METTL15: variants seen among roughly 807,000 people sequenced by gnomAD.
METTL15 encodes methyltransferase 15, mitochondrial 12S rRNA N4-cytidine.
In METTL15, 34 loss-of-function variants were observed where a neutral mutation model predicts 38.3. That is an observed-to-expected ratio of 0.89 (90% CI 0.68 to 1.18). The LOEUF is 1.18. METTL15 is among the 50% of genes most tolerant of loss of function. METTL15 has a pLI of 0.00. For missense variants in METTL15, 438 were observed against 498.4 expected (o/e 0.88, Z 1.15); for synonymous variants, 162 against 170.9 (o/e 0.95, Z 0.41).
chr11:28,279,172 G>A (rs1163004425), intron 4 of METTL15, among the ~76,000 whole-genome samples: 1 of 152,070 alleles, frequency 6.6e-6, no homozygotes, highest in East Asian at 1.9e-4. Context: ...TTGTATCAGG[G>A]TTATATGATG....
chr11:28,394,572 C>T (rs77444603), intron 5 of METTL15, among the ~76,000 whole-genome samples: 2,690 of 152,122 alleles, frequency 0.018, 52 homozygotes, highest in African/African-American at 0.051. Flanking sequence ...AAATGTTTCA[C>T]GGACATTTTC....
chr11:28,288,950 A>G (rs1856399825), intron 4 of METTL15, among the ~76,000 whole-genome samples: 1 of 152,144 alleles, frequency 6.6e-6, no homozygotes, highest in African/African-American at 2.4e-5. Flanking sequence ...TACAGGAGGT[A>G]GTTAAAACAA....
intron 6 of METTL15, among the ~76,000 whole-genome samples, chr11:28,502,779 A>G (rs1851595700): frequency 6.6e-6 from 1 of 152,142 alleles, no homozygotes; most frequent in African/African-American, 2.4e-5. Flanking sequence ...CTCAGGGTAC[A>G]TGATGGAATT....
intron 5 of METTL15, among the ~76,000 whole-genome samples, chr11:28,417,341 G>A (rs1380033311): frequency 2.0e-5 from 3 of 152,128 alleles, no homozygotes; most frequent in Non-Finnish European, 4.4e-5. Flanking sequence ...TATCACTTAT[G>A]GTAGTATTTG....
intron 6 of METTL15, among the ~76,000 whole-genome samples, chr11:28,312,490 A>G (rs1251428572): frequency 1.3e-5 from 2 of 152,200 alleles, no homozygotes; most frequent in Non-Finnish European, 2.9e-5. Flanking sequence ...CTTCGTCTGT[A>G]TACTCCTTTG....
intron 6 of METTL15, among the ~76,000 whole-genome samples, chr11:28,509,246 A>T (rs751533919): frequency 1.3e-5 from 2 of 152,058 alleles, no homozygotes; most frequent in African/African-American, 2.4e-5. Flanking sequence ...AGATTTTCAA[A>T]CTCTTGGATT....
chr11:28,262,150 A>G (rs979704058), intron 4 of METTL15, among the ~76,000 whole-genome samples: 1 of 152,142 alleles, frequency 6.6e-6, no homozygotes, highest in African/African-American at 2.4e-5. Context: ...TTTGTAAAAA[A>G]TAAGTCTTGA....
intron 4 of METTL15, among the ~76,000 whole-genome samples, chr11:28,247,326 G>T (rs1373382031): frequency 1.3e-5 from 2 of 152,016 alleles, no homozygotes; most frequent in African/African-American, 2.4e-5. Flanking sequence ...ATTGAAAATT[G>T]AATAAATGAA....
rs375567710 is a variant in METTL15, at chr11:28,369,931, T to G, written c.*358+7895T>G. Among the ~76,000 whole-genome samples, 12 of 152,234 alleles carry G rather than the reference T, an allele frequency of 7.9e-5. No individual in the cohort carries two copies. In the East Asian group the frequency reaches 1.5e-3, roughly 20 times the overall value. The stretch of plus-strand genomic sequence containing the variant: ...TAGTGCATAAATCACTTTTGAAAAT[T>G]TTATTCTCTCATTAATACTTAATGG... On this transcript the variant is annotated intron_variant and NMD_transcript_variant, in intron 5 of 7. Transcript: ENST00000532947.
intron 5 of METTL15, among the ~76,000 whole-genome samples, chr11:28,415,966 A>C (rs999684104): frequency 2.6e-5 from 4 of 152,218 alleles, no homozygotes; most frequent in African/African-American, 9.6e-5. Flanking sequence ...GTAGAGACAC[A>C]CATAACATAT....
intron 3 of METTL15, among the ~76,000 whole-genome samples, chr11:28,126,423 C>G (rs978949584): frequency 6.6e-6 from 1 of 152,072 alleles, no homozygotes; most frequent in Non-Finnish European, 1.5e-5. Flanking sequence ...GGATTTTTGT[C>G]TGACTTTTAC....
chr11:28,517,983 C>G (rs1008935719), intron 6 of METTL15, among the ~76,000 whole-genome samples: 1 of 152,212 alleles, frequency 6.6e-6, no homozygotes, highest in African/African-American at 2.4e-5. Flanking sequence ...AACAGAAACA[C>G]ATTCCTCATC....
intron 4 of METTL15, chr11:28,261,307 G>A (rs1223024461): frequency 1.3e-5 from 2 of 152,160 alleles, no homozygotes; most frequent in African/African-American, 2.4e-5. Flanking sequence ...AGATTTTAGT[G>A]GGGAAGCACA....
At chr11:28,347,180 G>A (rs1258289549) in intron 3 of METTL15, among the ~76,000 whole-genome samples, 2 of 152,194 alleles carry the variant, frequency 1.3e-5, no homozygotes, top group African/African-American at 4.8e-5. Flanking sequence ...GGAGCATAAT[G>A]GACCAAGGGT....
In METTL15 at chr11:28,273,994, G is replaced by A. The variant is rs145250333; in HGVS notation, c.408-16212G>A. 6.0e-4 allele frequency among the ~76,000 whole-genome samples: 91 copies of A among 152,084 alleles called. 1 individual carries two copies. Among genetic ancestry groups the A allele is most frequent in the African/African-American group, 2.1e-3 (86 of 41,552 alleles). ...AATGCCTGGTTGGGGAGATTATTTC[G>A]TACTAATATACACTTGCATATTCTT... On this transcript the variant is annotated intron_variant, in intron 4 of 6. Transcript: ENST00000407364.
chr11:28,467,271 G>C (rs1339667319), intron 6 of METTL15, among the ~76,000 whole-genome samples: 1 of 152,116 alleles, frequency 6.6e-6, no homozygotes, highest in African/African-American at 2.4e-5. Flanking sequence ...CCAGGGTAGT[G>C]GCAACAGAAA....
intron 5 of METTL15, among the ~76,000 whole-genome samples, chr11:28,397,681 C>T (rs907016384): frequency 1.9e-4 from 29 of 151,932 alleles, no homozygotes; most frequent in Non-Finnish European, 2.5e-4. Context: ...GTCAGTGTGG[C>T]GATTCCTCAG....
At chr11:28,362,163 G>T (rs868796136) in intron 5 of METTL15, 22 of 152,022 alleles carry the variant, frequency 1.4e-4, no homozygotes, top group South Asian at 2.1e-4. Context: ...CAGACAAGTA[G>T]AAATAGCATT....
chr11:28,471,152 C>A (rs774840701), intron 6 of METTL15, among the ~76,000 whole-genome samples: 2 of 152,088 alleles, frequency 1.3e-5, no homozygotes, highest in Non-Finnish European at 2.9e-5. Flanking sequence ...TTGGTGACTT[C>A]TTTTCTCAAC....
Sources: allele counts gnomAD v4.1 joint callset (sites outside exome capture counted in the v4.1 genomes callset), GRCh38; gene constraint gnomAD v4.1.1; transcripts MANE v1.5; gene names NCBI Gene and HGNC (gene_info 2026-07-23, HGNC 2026-07-21).